PTPRQ: variants seen among roughly 807,000 people sequenced by gnomAD.
PTPRQ encodes the protein phosphatidylinositol phosphatase PTPRQ.
A neutral mutation model predicts 246.0 loss-of-function variants in PTPRQ; 199 were observed. The observed-to-expected ratio is 0.81, with a 90% CI of 0.72 to 0.91. The LOEUF (loss-of-function observed/expected upper bound fraction) is 0.91, where lower values mean the gene tolerates loss of function less well. Among genes scored for constraint, PTPRQ ranks in the 40% least tolerant of loss-of-function variants. The probability of loss-of-function intolerance (pLI) is 0.00; values close to 1 mark genes in which losing one functional copy is unlikely to be tolerated. For synonymous variants in PTPRQ, 869 were observed against 853.2 expected (o/e 1.02, Z -0.32); for missense variants, 2,624 against 2,528.4 (o/e 1.04, Z -0.81).
At chr12:80,524,049 T>G (rs886749220) in intron 17 of PTPRQ, among the ~76,000 whole-genome samples, 12 of 152,346 alleles carry the variant, frequency 7.9e-5, no homozygotes, top group African/African-American at 2.9e-4. Flanking sequence ...TGGTTGCTCC[T>G]GTATTGAGTG....
At chr12:80,631,326 C>A (rs559173862) in intron 33 of PTPRQ, among the ~76,000 whole-genome samples, 106 of 152,110 alleles carry the variant, frequency 7.0e-4, no homozygotes, top group African/African-American at 2.4e-3. Context: ...TCTTATATAA[C>A]AAACATTCAC....
chr12:80,474,486 T>C (rs1893750195), intron 8 of PTPRQ, among the ~76,000 whole-genome samples: 2 of 152,218 alleles, frequency 1.3e-5, no homozygotes, highest in South Asian at 4.1e-4. Context: ...CCCCTGGGGA[T>C]GTTACGGTCC....
In PTPRQ at chr12:80,669,345, T is replaced by C. The variant is rs561865189; in HGVS notation, c.6334T>C (p.Cys2112Arg). 6 of 1,549,596 alleles carry C rather than the reference T, an allele frequency of 3.9e-6. No homozygotes were observed. In the South Asian group the frequency reaches 6.0e-5, roughly 15 times the overall value. The change falls in exon 41 of 45, where the codon TGC (cysteine) becomes CGC (arginine). Residue 2112 changes from cysteine to arginine, a missense_variant. By Grantham distance (180) the Cys-to-Arg change is radical (BLOSUM62 -3). Transcript: ENST00000644991. ...TGATTTTCTCTGAATGCAGATCAGA[T>C]GCCATCAGTATTGGCCAGAGGACAA... Reference protein sequence around the residue: ...TQCFEKGRIRCHQYWPEDNKP... With the variant: ...TQCFEKGRIRRHQYWPEDNKP...
At chr12:80,542,706 G>A in intron 22 of PTPRQ, 24 bp from the exon 23 acceptor site, 1 of 1,521,988 alleles carries the variant, frequency 6.6e-7, no homozygotes, top group Non-Finnish European at 8.8e-7. Flanking sequence ...ATGAATGTAA[G>A]TTTCTTCATG....
At chr12:80,520,279 T>C (rs999429363) in intron 17 of PTPRQ, among the ~76,000 whole-genome samples, 10 of 152,138 alleles carry the variant, frequency 6.6e-5, no homozygotes, top group African/African-American at 1.4e-4. Context: ...ACTGTTCTCA[T>C]AGTAGTGAAT....
intron 8 of PTPRQ, among the ~76,000 whole-genome samples, chr12:80,479,679 A>G (rs1230245326): frequency 4.2e-5 from 6 of 142,268 alleles, no homozygotes; most frequent in Admixed American, 1.4e-4. Context: ...AGGATGGAGG[A>G]AGATCTACCA....
chr12:80,469,824 T>C (rs1425572836), intron 7 of PTPRQ, among the ~76,000 whole-genome samples: 1 of 152,222 alleles, frequency 6.6e-6, no homozygotes, highest in Non-Finnish European at 1.5e-5. Context: ...AATACTTGGC[T>C]GAAGTACTCT....
At chr12:80,565,510 C>T (rs1372564696) in intron 25 of PTPRQ, among the ~76,000 whole-genome samples, 3 of 152,092 alleles carry the variant, frequency 2.0e-5, no homozygotes, top group African/African-American at 7.2e-5. Flanking sequence ...TTCTTATTCT[C>T]TTTTACTTCC....
intron 25 of PTPRQ, among the ~76,000 whole-genome samples, chr12:80,569,567 A>G (rs923090878): frequency 6.6e-6 from 1 of 152,042 alleles, no homozygotes; most frequent in South Asian, 2.1e-4. Context: ...AAAACAAAAC[A>G]AAAAGAACAA....
intron 31 of PTPRQ, among the ~76,000 whole-genome samples, 183 bp downstream of exon 31, chr12:80,619,725 ATTTT>A (rs1898906705): frequency 6.6e-6 from 1 of 151,574 alleles, no homozygotes; most frequent in South Asian, 2.1e-4. Context: ...TTATTTATTT[ATTTT>A]ATTTGTAAAA....
At position 80,670,371 on chromosome 12, in the gene PTPRQ, T is replaced by C; in HGVS notation, c.6481T>C (p.Cys2161Arg). 6.4e-7 allele frequency: 1 copy of C among 1,550,960 alleles called. No individual in the cohort carries two copies. The highest frequency in any genetic ancestry group is 1.2e-5 in the South Asian group (1 of 84,026). Residue 2161 changes from cysteine (C) to arginine (R), a missense_variant, in exon 42 of 45, where the codon TGT (cysteine) becomes CGT (arginine). Cys to Arg is a radical substitution (Grantham distance 180). Coordinates refer to ENST00000644991, the MANE Select transcript of PTPRQ (RefSeq NM_001145026.2). ...RHGDCMTVRQ[C>R]NFTAWPEHGV... ...TGGGGATTGCATGACTGTTCGACAGTGTAACTTTACTGCCTGGCCAGAGCA... is the reference window on the plus strand; with the variant it reads ...TGGGGATTGCATGACTGTTCGACAGCGTAACTTTACTGCCTGGCCAGAGCA...
chr12:80,519,297 G>A (rs973706126), intron 17 of PTPRQ, among the ~76,000 whole-genome samples: 3 of 152,108 alleles, frequency 2.0e-5, no homozygotes, highest in African/African-American at 7.2e-5. Context: ...TTCTCATCAA[G>A]TTTTTGAAAT....
chr12:80,581,577 A>G (rs1222355582), intron 25 of PTPRQ, among the ~76,000 whole-genome samples: 6 of 152,170 alleles, frequency 3.9e-5, no homozygotes, highest in East Asian at 1.9e-4. Context: ...TGAGGCTGCA[A>G]TGAGCCATGA....
At chr12:80,668,354 T>C (rs1170164545) in intron 39 of PTPRQ, among the ~76,000 whole-genome samples, 3 of 151,958 alleles carry the variant, frequency 2.0e-5, no homozygotes, top group Non-Finnish European at 2.9e-5. Flanking sequence ...ATGAGTTTAC[T>C]GTATTAGCAA....
chr12:80,605,032 T>A, intron 26 of PTPRQ, 27 bp from the exon 27 acceptor site: 3 of 1,528,948 alleles, frequency 2.0e-6, no homozygotes, highest in Non-Finnish European at 2.6e-6. Flanking sequence ...CTAATGTAGC[T>A]AGATAATTAA....
intron 25 of PTPRQ, among the ~76,000 whole-genome samples, chr12:80,581,161 T>A (rs1450904418): frequency 1.3e-5 from 2 of 152,146 alleles, no homozygotes; most frequent in Non-Finnish European, 2.9e-5. Flanking sequence ...CATTAGCTAG[T>A]GAATATTTCC....
intron 14 of PTPRQ, among the ~76,000 whole-genome samples, chr12:80,504,901 G>GC (rs1393395684): frequency 1.3e-5 from 2 of 151,862 alleles, no homozygotes; most frequent in African/African-American, 2.4e-5. Flanking sequence ...CTGCATGGTA[G>GC]ATTTATTTCT....
chr12:80,534,993 T>C lies in PTPRQ; in HGVS notation c.2941T>C (p.Tyr981His), dbSNP rs1229464258. Residue 981 changes from tyrosine (Y) to histidine (H), a missense_variant, in exon 19 of 45, where the codon TAT (tyrosine) becomes CAT (histidine). By Grantham distance (83) the Tyr-to-His change is moderately conservative (BLOSUM62 2). Coordinates refer to ENST00000644991, the MANE Select transcript of PTPRQ (RefSeq NM_001145026.2). Reference protein sequence around the residue: ...PPSKPNGIIQYYSVYYRNTSG... With the variant: ...PPSKPNGIIQHYSVYYRNTSG... The stretch of plus-strand genomic sequence containing the variant: ...TTCAAAACCTAATGGGATTATACAA[T>C]ATTACTCTGTTTATTACAGAAATAC... 2 of 1,545,176 alleles carry C rather than the reference T, an allele frequency of 1.3e-6. No individual in the cohort carries two copies. Among genetic ancestry groups the C allele is most frequent in the Non-Finnish European group, 8.7e-7 (1 of 1,144,986 alleles).
intron 26 of PTPRQ, among the ~76,000 whole-genome samples, chr12:80,588,883 A>T (rs1182865524): frequency 6.6e-6 from 1 of 152,198 alleles, no homozygotes; most frequent in Non-Finnish European, 1.5e-5. Context: ...TGACCACAAT[A>T]ACCCTGATTG....
Sources: allele counts gnomAD v4.1 joint callset (sites outside exome capture counted in the v4.1 genomes callset), GRCh38; gene constraint gnomAD v4.1.1; transcripts MANE v1.5; gene names NCBI Gene and HGNC (gene_info 2026-07-23, HGNC 2026-07-21).